Variants in COBL observed in about 807,000 individuals in gnomAD.
COBL encodes cordon-bleu WH2 repeat protein.
In COBL, 51 loss-of-function variants were observed where a neutral mutation model predicts 98.8. The ratio of observed to expected loss-of-function variants is 0.52; its 90% CI spans 0.41 to 0.65. The LOEUF is 0.65. Among genes scored for constraint, COBL ranks in the 30% least tolerant of loss-of-function variants. The pLI is 0.00. For missense variants in COBL, 1,617 were observed against 1,617.5 expected (o/e 1.00, Z 0.01); for synonymous variants, 634 against 651.7 (o/e 0.97, Z 0.41).
intron 5 of COBL, among the ~76,000 whole-genome samples, chr7:51,178,716 C>G (rs1173707950): frequency 1.3e-5 from 2 of 152,060 alleles, no homozygotes; most frequent in African/African-American, 4.8e-5. Flanking sequence ...TCAACCTAGT[C>G]TCCTGCCTCA....
At chr7:51,124,612 G>T (rs1478451336) in intron 6 of COBL, among the ~76,000 whole-genome samples, 3 of 152,128 alleles carry the variant, frequency 2.0e-5, no homozygotes, top group Non-Finnish European at 4.4e-5. Flanking sequence ...CACTGTCCTG[G>T]ACACCTATGT....
chr7:51,293,893 G>T (rs950131325), intron 1 of COBL, among the ~76,000 whole-genome samples: 9 of 151,988 alleles, frequency 5.9e-5, no homozygotes, highest in Admixed American at 6.5e-5. Flanking sequence ...GTGCTCCCAG[G>T]TCGTCCCATG....
chr7:51,030,630 A>G (rs1175378728), intron 9 of COBL, among the ~76,000 whole-genome samples, 182 bp downstream of exon 9: 1 of 152,222 alleles, frequency 6.6e-6, no homozygotes, highest in African/African-American at 2.4e-5. Context: ...CAGCCCAGAT[A>G]AAAAGCAGTC....
chr7:51,026,783 A>G (rs541944536), intron 10 of COBL, 118 bp from the exon 11 acceptor site: 1 of 1,258,398 alleles, frequency 7.9e-7, no homozygotes, highest in East Asian at 2.5e-5. Flanking sequence ...CTGTAATCCC[A>G]TCTACTCGGG....
chr7:51,205,127 C>G (rs1455555038), intron 2 of COBL, among the ~76,000 whole-genome samples: 1 of 152,116 alleles, frequency 6.6e-6, no homozygotes, highest in Admixed American at 6.5e-5. Flanking sequence ...CTATCAAAAT[C>G]CCATTGGCAT....
intron 7 of COBL, among the ~76,000 whole-genome samples, chr7:51,055,655 C>T (rs1425451563): frequency 6.6e-6 from 1 of 152,196 alleles, no homozygotes; most frequent in Non-Finnish European, 1.5e-5. Flanking sequence ...GTGCATGTTC[C>T]CAGGTGTTGC....
intron 7 of COBL, among the ~76,000 whole-genome samples, chr7:51,053,443 C>G (rs1460453688): frequency 6.6e-6 from 1 of 152,230 alleles, no homozygotes; most frequent in Non-Finnish European, 1.5e-5. Flanking sequence ...CTCACCCAGT[C>G]AGGAAGGCCT....
Position 51,316,781 on chromosome 7 carries a change from G to C in COBL, c.-148C>G, listed in dbSNP as rs564099029. 3 of 587,316 alleles carry C rather than the reference G, an allele frequency of 5.1e-6. No homozygotes were observed. The highest frequency in any genetic ancestry group is 7.3e-6 in the Non-Finnish European group (3 of 413,104). The allele number at this position is 587,316 out of a possible 1,614,324, so 36.4% of individuals were successfully genotyped here. A position where few individuals can be genotyped will look rare whatever the true frequency, so the allele number is the denominator to read the frequency against. ...CCGGCGGAGGACAGCGGCGGAGCGC[G>C]GCGGACGGAAGGGGCTGGAATCGTC... On this transcript the variant is annotated 5_prime_UTR_variant, in exon 1 of 13. Transcript: ENST00000265136.
chr7:51,201,050 C>T (rs1426133283), intron 2 of COBL, among the ~76,000 whole-genome samples: 1 of 151,892 alleles, frequency 6.6e-6, no homozygotes, highest in Non-Finnish European at 1.5e-5. Flanking sequence ...ACCAGCCTGG[C>T]CAACATGGTG....
intron 10 of COBL, 127 bp downstream of exon 10, chr7:51,027,585 G>A: frequency 1.3e-6 from 1 of 775,912 alleles, no homozygotes; most frequent in Non-Finnish European, 2.1e-6. Context: ...AATGAAACCT[G>A]TGTGGTAAGC....
intron 1 of COBL, among the ~76,000 whole-genome samples, chr7:51,289,579 C>T (rs1010744499): frequency 6.6e-6 from 1 of 152,192 alleles, no homozygotes; most frequent in African/African-American, 2.4e-5. Context: ...TCCTAGAGTG[C>T]CACCTCTCCT....
intron 1 of COBL, among the ~76,000 whole-genome samples, chr7:51,283,809 G>A (rs2129179274): frequency 6.6e-6 from 1 of 151,906 alleles, no homozygotes; most frequent in South Asian, 2.1e-4. Flanking sequence ...AGAACATTAT[G>A]AAAAAAGAAA....
intron 5 of COBL, among the ~76,000 whole-genome samples, chr7:51,166,540 T>G (rs1036049914): frequency 3.9e-5 from 6 of 152,084 alleles, no homozygotes; most frequent in African/African-American, 1.2e-4. Flanking sequence ...CAAGAACTAA[T>G]ACCAATCCTA....
intron 2 of COBL, among the ~76,000 whole-genome samples, chr7:51,219,485 G>A (rs776921736): frequency 2.0e-5 from 3 of 152,136 alleles, no homozygotes; most frequent in Non-Finnish European, 2.9e-5. Flanking sequence ...CCTCATAGGA[G>A]GCAGCCCTGG....
Position 51,184,155 on chromosome 7 carries a change from CTT to C in COBL, c.728_729del (p.Lys243ArgfsTer12). The C allele has an allele frequency of 6.4e-7, 1 of 1,569,464 alleles. No individual in the cohort carries two copies. Among genetic ancestry groups the C allele is most frequent in the Non-Finnish European group, 8.7e-7 (1 of 1,155,564 alleles). On this transcript the variant is annotated frameshift_variant, in exon 5 of 13. Transcript: ENST00000265136. LOFTEE classifies it high-confidence loss of function. The part of the protein sequence containing the change: ...KSSLGNDETD[K>X]EKKKFLGFFK... ...AAAAATCCCAGAAATTTTTTCTTCTCTTTATCTGTCTCATCATTGCCAAGTGA... is the reference window on the plus strand; with the variant it reads ...AAAAATCCCAGAAATTTTTTCTTCTCTATCTGTCTCATCATTGCCAAGTGA...
intron 5 of COBL, among the ~76,000 whole-genome samples, chr7:51,175,206 G>A (rs1788253374): frequency 1.3e-5 from 2 of 152,240 alleles, no homozygotes; most frequent in Non-Finnish European, 2.9e-5. Flanking sequence ...GGTATTGGCA[G>A]TTTTGCACTG....
chr7:51,316,325 A>G (rs927409211), intron 1 of COBL: 2 of 295,090 alleles, frequency 6.8e-6, no homozygotes, highest in Non-Finnish European at 1.2e-5. Context: ...GGACGCCTGC[A>G]TACAAACCAC....
chr7:51,228,675 T>G (rs1023012642), intron 1 of COBL, among the ~76,000 whole-genome samples: 2 of 152,114 alleles, frequency 1.3e-5, no homozygotes, highest in Non-Finnish European at 2.9e-5. Context: ...CCTGTAGATA[T>G]GGGAACACTG....
chr7:51,292,776 G>C (rs116033647), intron 1 of COBL, among the ~76,000 whole-genome samples: 298 of 152,310 alleles, frequency 2.0e-3, no homozygotes, highest in African/African-American at 7.1e-3. Flanking sequence ...GCTTGCCCAA[G>C]CCCAACTCTT....
Sources: allele counts gnomAD v4.1 joint callset (sites outside exome capture counted in the v4.1 genomes callset), GRCh38; gene constraint gnomAD v4.1.1; transcripts MANE v1.5; gene names NCBI Gene and HGNC (gene_info 2026-07-23, HGNC 2026-07-21).